Variants in PTPRJ observed in about 807,000 individuals in gnomAD.
PTPRJ encodes receptor-type tyrosine-protein phosphatase eta.
PTPRJ carries 129 observed loss-of-function variants against 141.3 expected under a neutral mutation model. The ratio of observed to expected loss-of-function variants is 0.91; its 90% CI spans 0.79 to 1.06. PTPRJ has a LOEUF of 1.06. PTPRJ is among the 50% of genes least tolerant of loss of function. The pLI, the probability that PTPRJ is intolerant of heterozygous loss-of-function variation, is 0.00. For missense variants in PTPRJ, 1,601 were observed against 1,679.7 expected (o/e 0.95, Z 0.82); for synonymous variants, 610 against 640.5 (o/e 0.95, Z 0.72).
rs774439964 is a variant in PTPRJ, at chr11:48,127,922, C to T, written c.1236C>T (p.Leu412=). The T allele has an allele frequency of 6.2e-7, 1 of 1,614,204 alleles. No homozygotes were observed. Among genetic ancestry groups the T allele is most frequent in the Non-Finnish European group, 8.5e-7 (1 of 1,180,036 alleles). The part of the protein sequence containing the change: ...HVAGETDSSN[L]NVSEPRAVIP... ...CGGGGGAGACAGATTCTTCCAATCT[C>T]AACGTCAGTGAGCCTCGCGCTGTCA... The change falls in exon 7 of 25, where the codon CTC becomes CTT. Residue 412 remains leucine, a synonymous_variant. Transcript: ENST00000418331.
intron 1 of PTPRJ, among the ~76,000 whole-genome samples, chr11:47,999,609 T>C (rs754233572): frequency 2.6e-5 from 4 of 152,178 alleles, no homozygotes; most frequent in Non-Finnish European, 4.4e-5. Flanking sequence ...ATTCTGGATA[T>C]CTGGGTGTAT....
intron 1 of PTPRJ, among the ~76,000 whole-genome samples, chr11:48,039,787 CCTTT>C (rs1021045659): frequency 2.7e-5 from 4 of 149,524 alleles, no homozygotes; most frequent in African/African-American, 5.1e-5. Flanking sequence ...TCCCTTTTGC[CCTTT>C]CTTTTTTTTT....
intron 1 of PTPRJ, among the ~76,000 whole-genome samples, chr11:48,076,199 C>G (rs1158125980): frequency 6.6e-6 from 1 of 152,178 alleles, no homozygotes; most frequent in Non-Finnish European, 1.5e-5. Flanking sequence ...ACCTAACCCC[C>G]AGGAGCTGGT....
chr11:48,078,082 G>A (rs930970071), intron 1 of PTPRJ, among the ~76,000 whole-genome samples: 2 of 149,528 alleles, frequency 1.3e-5, no homozygotes, highest in African/African-American at 4.9e-5. Context: ...TTTTTGAGGC[G>A]GAGTCTTGCT....
At chr11:48,033,659 C>G (rs1484538683) in intron 1 of PTPRJ, among the ~76,000 whole-genome samples, 1 of 152,112 alleles carries the variant, frequency 6.6e-6, no homozygotes, top group Non-Finnish European at 1.5e-5. Flanking sequence ...AGACAGGGAG[C>G]AGTGGAGAGG....
rs185757783 is a variant in PTPRJ at position 48,113,931 on chromosome 11, T to C, written c.352+948T>C. The stretch of plus-strand genomic sequence containing the variant: ...AATTTTTAAGAAGTTAAAAGGGCCC[T>C]GAGACCACAGTGTTTAAGAATTACT... On this transcript the variant is annotated intron_variant, in intron 3 of 24. Transcript: ENST00000418331. Among the ~76,000 whole-genome samples the C allele has an allele frequency of 2.2e-3, 329 of 152,336 alleles. 2 individuals carry two copies. Among genetic ancestry groups the C allele is most frequent in the African/African-American group, 7.6e-3 (317 of 41,584 alleles).
intron 14 of PTPRJ, among the ~76,000 whole-genome samples, chr11:48,145,558 G>GTTTTTTTTTTTTTTTTT (rs574426609): frequency 1.7e-5 from 2 of 117,500 alleles, no homozygotes; most frequent in Non-Finnish European, 3.3e-5. Flanking sequence ...TTTATTTTAT[G>GTTTTTTTTTTTTTTTTT]TTTTTTTTTT....
chr11:48,085,138 A>G (rs1055163019), intron 1 of PTPRJ, among the ~76,000 whole-genome samples: 1 of 152,216 alleles, frequency 6.6e-6, no homozygotes, highest in African/African-American at 2.4e-5. Context: ...GTGTGAGTCC[A>G]GAATTTCTTT....
chr11:48,053,021 T>C (rs930737955), intron 1 of PTPRJ, among the ~76,000 whole-genome samples: 3 of 146,610 alleles, frequency 2.0e-5, no homozygotes, highest in African/African-American at 7.6e-5. Flanking sequence ...CTTACTGTCA[T>C]GTGAGAATGT....
chr11:48,125,376 C>T (rs1856809167), intron 6 of PTPRJ, among the ~76,000 whole-genome samples, 190 bp downstream of exon 6: 1 of 152,206 alleles, frequency 6.6e-6, no homozygotes, highest in Non-Finnish European at 1.5e-5. Context: ...GTGCACATCT[C>T]TCATTAAGTG....
intron 6 of PTPRJ, among the ~76,000 whole-genome samples, chr11:48,126,933 C>T (rs369087208): frequency 3.4e-4 from 52 of 152,222 alleles, no homozygotes; most frequent in African/African-American, 1.1e-3. Context: ...ACCCAAGACA[C>T]GACAGAAAGC....
In PTPRJ at chr11:48,137,125, A is replaced by G. The variant is rs750413569; in HGVS notation, c.1996A>G (p.Asn666Asp). 2.5e-6 allele frequency: 4 copies of G among 1,612,462 alleles called. No individual in the cohort carries two copies. Among genetic ancestry groups the G allele is most frequent in the Non-Finnish European group, 2.5e-6 (3 of 1,178,464 alleles). ...CTGCCTTCTTATTGAGAAGGCTGGAAATTCCAGCAACGCAACACAAGTAGT... is the reference window on the plus strand; with the variant it reads ...CTGCCTTCTTATTGAGAAGGCTGGAGATTCCAGCAACGCAACACAAGTAGT... ...SYCLLIEKAG[N>D]SSNATQVVTD... The change falls in exon 10 of 25, where the codon AAT (asparagine) becomes GAT (aspartate). Residue 666 changes from asparagine (N) to aspartate (D), a missense_variant. By Grantham distance (23) the Asn-to-Asp change is conservative. Transcript: ENST00000418331.
At position 48,167,515 on chromosome 11, in the gene PTPRJ, A is replaced by G; in HGVS notation, c.*153A>G. ...TTTTGAGGGCATGAAGCTGCATATG[A>G]TAGATGACAAATTGGGGCTGTCGGG... On this transcript the variant is annotated 3_prime_UTR_variant, in exon 25 of 25. Transcript: ENST00000418331. 2.3e-6 allele frequency: 2 copies of G among 871,482 alleles called. No homozygotes were observed. The highest frequency in any genetic ancestry group is 1.7e-6 in the Non-Finnish European group (1 of 605,514). The allele number at this position is 871,482 out of a possible 1,614,324, so 54.0% of individuals were successfully genotyped here. A position where few individuals can be genotyped will look rare whatever the true frequency, so the allele number is the denominator to read the frequency against.
rs114011984 is a variant in PTPRJ, at chr11:47,996,828, G to A, written c.96+15820G>A. ...AAATCCTATGGTGAGAAGAGAAATC[G>A]TTGGAGATGGGGGTGCAGGGGTGGA... On this transcript the variant is annotated intron_variant, in intron 1 of 24. Coordinates refer to ENST00000418331, the MANE Select transcript of PTPRJ (RefSeq NM_002843.4). Among the ~76,000 whole-genome samples, 1,313 of 152,344 alleles carry A rather than the reference G, an allele frequency of 8.6e-3. 27 individuals carry two copies. The highest frequency in any genetic ancestry group is 0.03 in the African/African-American group (1,264 of 41,564).
At chr11:48,054,850 C>T (rs1193435743) in intron 1 of PTPRJ, among the ~76,000 whole-genome samples, 4 of 148,838 alleles carry the variant, frequency 2.7e-5, no homozygotes, top group African/African-American at 1.0e-4. Context: ...AGTCCCCATT[C>T]TCACAGGGTG....
chr11:48,110,696 C>T (rs1856415849), intron 2 of PTPRJ, among the ~76,000 whole-genome samples: 1 of 152,088 alleles, frequency 6.6e-6, no homozygotes, highest in Middle Eastern at 3.4e-3. Context: ...TAAGTATTTT[C>T]TTGTGTTGCT....
chr11:48,047,640 C>T (rs562315006), intron 1 of PTPRJ, among the ~76,000 whole-genome samples: 4 of 152,004 alleles, frequency 2.6e-5, no homozygotes, highest in South Asian at 2.1e-4. Flanking sequence ...GTAGCTGGGA[C>T]GACAGGCGCG....
rs534434875 is a variant in PTPRJ at position 47,982,290 on chromosome 11, G to A, written c.96+1282G>A. Reference sequence around the variant, plus strand: ...GTCAGGAGACTGGCTCCAGGGCCGGGCCACAGGGCTGGACTTGCTCTTCAG... The same window carrying A: ...GTCAGGAGACTGGCTCCAGGGCCGGACCACAGGGCTGGACTTGCTCTTCAG... On this transcript the variant is annotated intron_variant, in intron 1 of 24. Coordinates refer to ENST00000418331, the MANE Select transcript of PTPRJ (RefSeq NM_002843.4). Among the ~76,000 whole-genome samples the A allele has an allele frequency of 2.6e-5, 4 of 152,334 alleles. No homozygotes were observed. The East Asian group carries it at 5.8e-4, about 22-fold the overall frequency.
At chr11:48,136,358 C>A in intron 9 of PTPRJ, 62 bp downstream of exon 9, 1 of 1,563,292 alleles carries the variant, frequency 6.4e-7, no homozygotes, top group South Asian at 1.2e-5. Flanking sequence ...GGAGGAGGCA[C>A]TGGTTAAATG....
Sources: gnomAD v4.1 joint callset for allele counts (sites outside exome capture counted in the v4.1 genomes callset) on GRCh38, gnomAD v4.1.1 for gene constraint, MANE v1.5 for transcripts, NCBI Gene and HGNC (gene_info 2026-07-23, HGNC 2026-07-21) for gene names.